The following ZPLD1 variants were observed in gnomAD, a reference collection of about 807,000 sequenced individuals.
The protein encoded by ZPLD1 is zona pellucida like domain containing 1.
Under a neutral mutation model 47.2 loss-of-function variants are expected in ZPLD1, and 34 were observed. The ratio of observed to expected loss-of-function variants is 0.72; its 90% CI spans 0.55 to 0.96. ZPLD1 has a LOEUF of 0.96. ZPLD1 is among the 40% of genes least tolerant of loss of function. The probability of loss-of-function intolerance (pLI) is 0.00; values close to 1 mark genes in which losing one functional copy is unlikely to be tolerated. For synonymous variants in ZPLD1, 176 were observed against 186.2 expected (o/e 0.95, Z 0.45); for missense variants, 512 against 505.8 (o/e 1.01, Z -0.12).
intron 1 of ZPLD1, 83 bp downstream of exon 1, chr3:102,435,237 A>G (rs1707071139): frequency 2.0e-6 from 3 of 1,482,322 alleles, no homozygotes; most frequent in Non-Finnish European, 2.8e-6. Context: ...GAAGGCTTGA[A>G]AATGTCGTAA....
At chr3:102,398,124 G>A (rs975670520) in intron 7 of ZPLD1, among the ~76,000 whole-genome samples, 4 of 152,056 alleles carry the variant, frequency 2.6e-5, no homozygotes, top group Admixed American at 2.6e-4. Flanking sequence ...TAAAAGCTTT[G>A]ATTTTAGAAA....
rs1336762593 is a variant in ZPLD1 at position 102,438,600 on chromosome 3, G to C, written c.106+7G>C. On this transcript the variant is annotated splice_region_variant and intron_variant, in intron 3 of 11. Transcript: ENST00000466937. The stretch of plus-strand genomic sequence containing the variant: ...CTCCACAGTAGATTTCCTGGTAAGT[G>C]TAAGCCTAATCTATTCTCTAGTTGT... 1.3e-6 allele frequency: 2 copies of C among 1,598,286 alleles called. No individual in the cohort carries two copies. The highest frequency in any genetic ancestry group is 2.2e-5 in the South Asian group (2 of 90,700).
chr3:102,473,108 G>GA (rs1018144392), intron 10 of ZPLD1, among the ~76,000 whole-genome samples: 9 of 151,984 alleles, frequency 5.9e-5, no homozygotes, highest in African/African-American at 9.7e-5. Flanking sequence ...AACAGCATGG[G>GA]AAAAAAACCC....
Position 102,407,450 on chromosome 3 carries a change from T to C in ZPLD1, c.-156-10610T>C, listed in dbSNP as rs868700213. On this transcript the variant is annotated intron_variant, in intron 7 of 17. Coordinates refer to the ZPLD1 transcript ENST00000491959. ...ATATATATATATATATATACACACA[T>C]ATGCCATCCTTTATGAGTCCACTGG... Among the ~76,000 whole-genome samples the C allele has an allele frequency of 4.7e-3, 465 of 98,262 alleles. 12 individuals are homozygous for C. The highest frequency in any genetic ancestry group is 0.015 in the African/African-American group (423 of 28,898). 64.5% of individuals were successfully genotyped at this position (98,262 alleles called of 152,430 possible).
intron 7 of ZPLD1, among the ~76,000 whole-genome samples, chr3:102,410,770 C>A (rs2107298779): frequency 6.6e-6 from 1 of 151,838 alleles, no homozygotes; most frequent in South Asian, 2.1e-4. Flanking sequence ...TGACTGAGAA[C>A]TGGCCCAGGA....
chr3:102,388,506 T>A (rs1375369300), intron 6 of ZPLD1, among the ~76,000 whole-genome samples: 1 of 150,694 alleles, frequency 6.6e-6, no homozygotes, highest in South Asian at 2.1e-4. Flanking sequence ...ATGTATATAA[T>A]ACTAATTTAT....
rs184483649 is a variant in ZPLD1, at chr3:102,451,019, C to T, written c.107-1900C>T. On this transcript the variant is annotated intron_variant, in intron 3 of 11. Transcript: ENST00000466937. Reference sequence around the variant, plus strand: ...TTTTCCACCAACAAAGGAAATATTGCGTCGAATTTCCTATAACACCTAGCC... The same window carrying T: ...TTTTCCACCAACAAAGGAAATATTGTGTCGAATTTCCTATAACACCTAGCC... 1.4e-4 allele frequency among the ~76,000 whole-genome samples: 22 copies of T among 152,164 alleles called. No individual in the cohort carries two copies. The East Asian group carries it at 3.3e-3, about 23-fold the overall frequency.
chr3:102,460,039 T>A (rs1483535636), intron 6 of ZPLD1, among the ~76,000 whole-genome samples: 2 of 152,092 alleles, frequency 1.3e-5, no homozygotes, highest in South Asian at 2.1e-4. Flanking sequence ...ACAGGATTTT[T>A]AAAAATTAGT....
At chr3:102,404,608 G>A (rs1201422704) in intron 7 of ZPLD1, among the ~76,000 whole-genome samples, 1 of 152,002 alleles carries the variant, frequency 6.6e-6, no homozygotes, top group Non-Finnish European at 1.5e-5. Flanking sequence ...TGTAACATAT[G>A]ATGGTGAATT....
At position 102,452,872 on chromosome 3, in the gene ZPLD1, T is replaced by G. The variant is rs776221955; in HGVS notation, c.107-47T>G. 1.9e-6 allele frequency: 3 copies of G among 1,590,178 alleles called. No individual in the cohort carries two copies. The East Asian group carries it at 6.7e-5, about 36-fold the overall frequency. On this transcript the variant is annotated intron_variant, in intron 3 of 11. Coordinates refer to ENST00000466937, the MANE Select transcript of ZPLD1 (RefSeq NM_001329788.2). ...AGTAGGATGTTAATGTTATTTATCT[T>G]TCTGCTTTTCTGACTTATGTTTGTT...
intron 8 of ZPLD1, among the ~76,000 whole-genome samples, chr3:102,425,781 C>T (rs1490142954): frequency 2.0e-5 from 3 of 151,750 alleles, no homozygotes; most frequent in African/African-American, 7.3e-5. Context: ...TCCTTCCTTT[C>T]AATGCTTTCA....
chr3:102,467,877 G>A (rs1315633003), intron 8 of ZPLD1, among the ~76,000 whole-genome samples: 4 of 108,252 alleles, frequency 3.7e-5, no homozygotes, highest in East Asian at 2.2e-4. Context: ...ACACACACAC[G>A]GAATGTCCAA....
At chr3:102,444,093 C>T (rs929371544) in intron 3 of ZPLD1, among the ~76,000 whole-genome samples, 7 of 152,202 alleles carry the variant, frequency 4.6e-5, no homozygotes, top group African/African-American at 1.7e-4. Flanking sequence ...CATATTCTCC[C>T]ATATTTTAAT....
chr3:102,443,140 C>T (rs541682263), intron 3 of ZPLD1, among the ~76,000 whole-genome samples: 31 of 152,200 alleles, frequency 2.0e-4, no homozygotes, highest in Non-Finnish European at 4.4e-5. Context: ...AAAGGCACAT[C>T]CAAAGAGGAA....
chr3:102,407,662 T>A (rs985852252), intron 7 of ZPLD1, among the ~76,000 whole-genome samples: 1 of 151,312 alleles, frequency 6.6e-6, no homozygotes, highest in Non-Finnish European at 1.5e-5. Flanking sequence ...ATGAACACAG[T>A]CATGGCTCTG....
chr3:102,403,143 G>T (rs1484073446), intron 7 of ZPLD1, among the ~76,000 whole-genome samples: 2 of 151,648 alleles, frequency 1.3e-5, no homozygotes, highest in South Asian at 4.1e-4. Context: ...TCACAAATAC[G>T]TTCATTCTGT....
chr3:102,432,414 G>T (rs1707027066), upstream of ZPLD1, among the ~76,000 whole-genome samples: 4 of 152,208 alleles, frequency 2.6e-5, no homozygotes, highest in Admixed American at 2.6e-4. Flanking sequence ...GTGGGGAAAA[G>T]TGCATAAATC....
chr3:102,422,374 C>A lies in ZPLD1; in HGVS notation c.-9+4167C>A, dbSNP rs59594928. Among the ~76,000 whole-genome samples, 794 of 152,042 alleles carry A rather than the reference C, an allele frequency of 5.2e-3. 4 individuals are homozygous for A. Among genetic ancestry groups the A allele is most frequent in the Middle Eastern group, 0.027 (8 of 294 alleles). On this transcript the variant is annotated intron_variant, in intron 8 of 17. Coordinates refer to the ZPLD1 transcript ENST00000491959. Reference sequence around the variant, plus strand: ...ATTCCTGGTATATAGTGGATAGAAGCCAAGGATGCTGTTAAATATCCTACA... The same window carrying A: ...ATTCCTGGTATATAGTGGATAGAAGACAAGGATGCTGTTAAATATCCTACA...
In ZPLD1 at chr3:102,456,186, C is replaced by T; in HGVS notation, c.328-7C>T. On this transcript the variant is annotated splice_region_variant and splice_polypyrimidine_tract_variant and intron_variant, in intron 4 of 11. Coordinates refer to ENST00000466937, the MANE Select transcript of ZPLD1 (RefSeq NM_001329788.2). Reference sequence around the variant, plus strand: ...TAATCATTAAACTGCATCTAACATTCTAACAGGTATCCACAATTCCTGGAG... The same window carrying T: ...TAATCATTAAACTGCATCTAACATTTTAACAGGTATCCACAATTCCTGGAG... 1 of 1,608,736 alleles carries T rather than the reference C, an allele frequency of 6.2e-7. No homozygotes were observed. The highest frequency in any genetic ancestry group is 8.5e-7 in the Non-Finnish European group (1 of 1,177,652).
Sources: allele counts gnomAD v4.1 joint callset (sites outside exome capture counted in the v4.1 genomes callset), GRCh38; gene constraint gnomAD v4.1.1; transcripts MANE v1.5; gene names NCBI Gene and HGNC (gene_info 2026-07-23, HGNC 2026-07-21).